UQCRB: variants seen among roughly 807,000 people sequenced by gnomAD.
The protein encoded by UQCRB is ubiquinol-cytochrome c reductase binding protein, also known as cytochrome b-c1 complex subunit 7.
UQCRB carries 12 observed loss-of-function variants against 19.8 expected under a neutral mutation model. The observed-to-expected ratio is 0.61, with a 90% CI of 0.39 to 0.98. The LOEUF (loss-of-function observed/expected upper bound fraction) is 0.98. Ranked by LOEUF, UQCRB falls within the 50% of genes least tolerant of loss-of-function variation. UQCRB has a pLI of 0.00. For missense variants in UQCRB, 142 were observed against 131.8 expected, an observed-to-expected ratio of 1.08 and a Z score of -0.38; for synonymous variants, 39 against 42.9, an observed-to-expected ratio of 0.91 and a Z score of 0.35.
rs992450809 is a variant in UQCRB, at chr8:96,227,879, G to A, written c.*3176C>T. On this transcript the variant is annotated 3_prime_UTR_variant, in exon 4 of 4. Coordinates refer to ENST00000287022, the MANE Select transcript of UQCRB (RefSeq NM_006294.5). ...TTAAGATTCTAGAATTTAAAAACAG[G>A]AAAAGGTGCCATTAGTAAAAACTCC... The A allele has an allele frequency of 1.2e-4, 55 of 453,974 alleles. 1 individual carries two copies. The highest frequency in any genetic ancestry group is 6.8e-4 in the Middle Eastern group (1 of 1,466). 28.1% of individuals were successfully genotyped at this position (453,974 alleles called of 1,614,324 possible).
At chr8:96,234,816 A>G (rs1586156927) in intron 1 of UQCRB, 1 of 191,860 alleles carries the variant, frequency 5.2e-6, no homozygotes, top group East Asian at 1.5e-4. Context: ...TCCAACTTGT[A>G]CCGCCAGAGG....
rs537720857 is a variant in UQCRB, at chr8:96,224,205, G to A, written c.*6850C>T. On this transcript the variant is annotated 3_prime_UTR_variant, in exon 4 of 4. Transcript: ENST00000287022. ...TCCAATGAAGGGACAATTAACAAAC[G>A]GCAGGCAAGGTCAAGGAGAACCAAC... Among the ~76,000 whole-genome samples, 20 of 152,226 alleles carry A rather than the reference G, an allele frequency of 1.3e-4. No individual in the cohort carries two copies. In the South Asian group the frequency reaches 3.3e-3, roughly 25 times the overall value.
intron 3 of UQCRB, chr8:96,231,361 A>G (rs1263179845): frequency 1.9e-6 from 3 of 1,543,544 alleles, no homozygotes; most frequent in Admixed American, 3.9e-5. Flanking sequence ...GAAGAAAAAG[A>G]AATGAATGTC....
At position 96,223,312 on chromosome 8, in the gene UQCRB, C is replaced by A. The variant is rs1007235021; in HGVS notation, c.*7743G>T. ...ACCTTAAATAAAAAAGAAAAGACAA[C>A]ATAGCAATTTCAAGGAAGACAGAAT... is the stretch of plus-strand genomic sequence containing the variant. On this transcript the variant is annotated 3_prime_UTR_variant, in exon 4 of 4. Transcript: ENST00000287022. 3.3e-5 allele frequency among the ~76,000 whole-genome samples: 5 copies of A among 152,118 alleles called. No homozygotes were observed. The highest frequency in any genetic ancestry group is 7.4e-5 in the Non-Finnish European group (5 of 68,016).
chr8:96,228,516 G>C lies in UQCRB; in HGVS notation c.*2539C>G, dbSNP rs1364220545. On this transcript the variant is annotated 3_prime_UTR_variant, in exon 4 of 4. Transcript: ENST00000287022. ...ACATAGAAGGAAGAGAGGAGACCTT[G>C]GACCTTAGCTACTGGTTAGCTATTC... The C allele has an allele frequency of 2.2e-6, 1 of 453,982 alleles. No individual in the cohort carries two copies. Among genetic ancestry groups the C allele is most frequent in the Non-Finnish European group, 4.4e-6 (1 of 226,792 alleles). The allele number at this position is 453,982 out of a possible 1,614,324, so 28.1% of individuals were successfully genotyped here.
chr8:96,232,332 G>C (rs1489000792), intron 2 of UQCRB: 2 of 216,978 alleles, frequency 9.2e-6, no homozygotes, highest in Non-Finnish European at 1.9e-5. Flanking sequence ...TTAAATCTGA[G>C]ATCAAGGTAT....
At position 96,227,804 on chromosome 8, in the gene UQCRB, A is replaced by G. The variant is rs1413672678; in HGVS notation, c.*3251T>C. ...GTTAATGCTTGAAAAGGGAGTCCTT[A>G]AAGTAAATAACTAAATGAAATCACT... On this transcript the variant is annotated 3_prime_UTR_variant, in exon 4 of 4. Transcript: ENST00000287022. The G allele has an allele frequency of 4.4e-6, 2 of 453,654 alleles. No homozygotes were observed. Among genetic ancestry groups the G allele is most frequent in the East Asian group, 1.4e-4 (2 of 14,398 alleles). The allele number at this position is 453,654 out of a possible 1,614,324, so 28.1% of individuals were successfully genotyped here. A position where few individuals can be genotyped will look rare whatever the true frequency, so the allele number is the denominator to read the frequency against.
chr8:96,234,775 G>A (rs1809762921), intron 1 of UQCRB: 7 of 206,574 alleles, frequency 3.4e-5, no homozygotes, highest in South Asian at 1.9e-4. Context: ...CCGTCTCAAA[G>A]ACAAAACAAA....
chr8:96,227,357 A>C lies in UQCRB; in HGVS notation c.*3698T>G. The C allele has an allele frequency of 2.2e-6, 1 of 454,108 alleles. No individual in the cohort carries two copies. Among genetic ancestry groups the C allele is most frequent in the Non-Finnish European group, 4.4e-6 (1 of 226,794 alleles). The allele number at this position is 454,108 out of a possible 1,614,324, so 28.1% of individuals were successfully genotyped here. On this transcript the variant is annotated 3_prime_UTR_variant, in exon 4 of 4. Coordinates refer to ENST00000287022, the MANE Select transcript of UQCRB (RefSeq NM_006294.5). ...GAGTTGGTGGGGCGCAGAATGGAGA[A>C]ATCTTCCATAGTGCTCGTGTGATGT...
chr8:96,231,208 C>T, intron 3 of UQCRB, 76 bp from the exon 4 acceptor site: 1 of 1,613,226 alleles, frequency 6.2e-7, no homozygotes, highest in Non-Finnish European at 8.5e-7. Flanking sequence ...TCTTCAATAA[C>T]AAGAAAAAAG....
intron 1 of UQCRB, 88 bp from the exon 2 acceptor site, chr8:96,233,315 G>A: frequency 8.7e-7 from 1 of 1,155,328 alleles, no homozygotes; most frequent in Non-Finnish European, 1.3e-6. Context: ...CAGTTATCTT[G>A]CTGATGAATG....
chr8:96,231,596 C>T (rs1160194984), intron 3 of UQCRB, 178 bp downstream of exon 3: 8 of 1,329,744 alleles, frequency 6.0e-6, no homozygotes, highest in Non-Finnish European at 7.3e-6. Context: ...AATCATTTCA[C>T]ACGTAAGACT....
chr8:96,230,636 G>C lies in UQCRB; in HGVS notation c.*419C>G. The C allele has an allele frequency of 2.2e-6, 1 of 457,722 alleles. No individual in the cohort carries two copies. The highest frequency in any genetic ancestry group is 6.9e-5 in the East Asian group (1 of 14,528). 28.4% of individuals were successfully genotyped at this position (457,722 alleles called of 1,614,324 possible). On this transcript the variant is annotated 3_prime_UTR_variant, in exon 4 of 4. Transcript: ENST00000287022. ...GACATAATTTCTTTTTAAATGATAG[G>C]ATGCAAAATCAAATCTGTTTGCATA...
In UQCRB at chr8:96,227,530, T is replaced by C. The variant is rs140760334; in HGVS notation, c.*3525A>G. 3.5e-4 allele frequency: 160 copies of C among 454,148 alleles called. No individual in the cohort carries two copies. The highest frequency in any genetic ancestry group is 2.8e-3 in the African/African-American group (140 of 50,140). The allele number at this position is 454,148 out of a possible 1,614,324, so 28.1% of individuals were successfully genotyped here. A position where few individuals can be genotyped will look rare whatever the true frequency, so the allele number is the denominator to read the frequency against. On this transcript the variant is annotated 3_prime_UTR_variant, in exon 4 of 4. Transcript: ENST00000287022. ...CTCTCTGATACTGTCCCTCCTAAAA[T>C]CCATGCTTCCTCCCATACACCATAA...
In UQCRB at chr8:96,227,070, T is replaced by C. The variant is rs1488569294; in HGVS notation, c.*3985A>G. On this transcript the variant is annotated 3_prime_UTR_variant, in exon 4 of 4. Transcript: ENST00000287022. ...AATTATGGCATATAAATTAAAACAT[T>C]TAAAATATTTTAACATCTATAGACT... 1 of 453,534 alleles carries C rather than the reference T, an allele frequency of 2.2e-6. No individual in the cohort carries two copies. Among genetic ancestry groups the C allele is most frequent in the Non-Finnish European group, 4.4e-6 (1 of 226,642 alleles). 28.1% of individuals were successfully genotyped at this position (453,534 alleles called of 1,614,324 possible).
Position 96,224,599 on chromosome 8 carries a change from C to T in UQCRB, c.*6456G>A, listed in dbSNP as rs1024859436. Reference sequence around the variant, plus strand: ...ACCAGGCTGCATCACCCTCAACAGACCCGTGTTTGTGGAGCCCCTCCGGAC... The same window carrying T: ...ACCAGGCTGCATCACCCTCAACAGATCCGTGTTTGTGGAGCCCCTCCGGAC... On this transcript the variant is annotated 3_prime_UTR_variant, in exon 4 of 4. Coordinates refer to ENST00000287022, the MANE Select transcript of UQCRB (RefSeq NM_006294.5). Among the ~76,000 whole-genome samples, 7 of 152,174 alleles carry T rather than the reference C, an allele frequency of 4.6e-5. No homozygotes were observed. The highest frequency in any genetic ancestry group is 1.7e-4 in the African/African-American group (7 of 41,448).
Position 96,228,541 on chromosome 8 carries a change from C to T in UQCRB, c.*2514G>A, listed in dbSNP as rs1272771900. ...GGACCTTAGCTACTGGTTAGCTATT[C>T]GACATTGATGATATTCAGCGTTTTC... On this transcript the variant is annotated 3_prime_UTR_variant, in exon 4 of 4. Transcript: ENST00000287022. 1.1e-5 allele frequency: 5 copies of T among 453,958 alleles called. No individual in the cohort carries two copies. The highest frequency in any genetic ancestry group is 6.9e-5 in the East Asian group (1 of 14,396). The allele number at this position is 453,958 out of a possible 1,614,324, so 28.1% of individuals were successfully genotyped here. A position where few individuals can be genotyped will look rare whatever the true frequency, so the allele number is the denominator to read the frequency against.
chr8:96,225,187 T>C lies in UQCRB; in HGVS notation c.*5868A>G, dbSNP rs560150912. Reference sequence around the variant, plus strand: ...AGGTGAAGGACATGAACAAGATTGATGAAAGAGAAATAACAACTTGATAAT... The same window carrying C: ...AGGTGAAGGACATGAACAAGATTGACGAAAGAGAAATAACAACTTGATAAT... On this transcript the variant is annotated 3_prime_UTR_variant, in exon 4 of 4. Coordinates refer to ENST00000287022, the MANE Select transcript of UQCRB (RefSeq NM_006294.5). 5.9e-5 allele frequency among the ~76,000 whole-genome samples: 9 copies of C among 152,152 alleles called. No homozygotes were observed. Among genetic ancestry groups the C allele is most frequent in the African/African-American group, 2.2e-4 (9 of 41,524 alleles).
Position 96,229,195 on chromosome 8 carries a change from G to C in UQCRB, c.*1860C>G, listed in dbSNP as rs1351075915. 4.4e-6 allele frequency: 2 copies of C among 454,146 alleles called. No homozygotes were observed. Among genetic ancestry groups the C allele is most frequent in the Admixed American group, 4.7e-5 (2 of 42,580 alleles). The allele number at this position is 454,146 out of a possible 1,614,324, so 28.1% of individuals were successfully genotyped here. On this transcript the variant is annotated 3_prime_UTR_variant, in exon 4 of 4. Coordinates refer to ENST00000287022, the MANE Select transcript of UQCRB (RefSeq NM_006294.5). ...TAGGCATACACTTTGGCTTTAGGAA[G>C]AACTCTTACAAAATCAGAGGTTGCC...
Sources: allele counts gnomAD v4.1 joint callset (sites outside exome capture counted in the v4.1 genomes callset), GRCh38; gene constraint gnomAD v4.1.1; transcripts MANE v1.5; gene names NCBI Gene and HGNC (gene_info 2026-07-23, HGNC 2026-07-21).